Variants in SPINK1 observed in about 807,000 individuals in gnomAD.
The protein encoded by SPINK1 is serine protease inhibitor Kazal-type 1.
SPINK1 carries 5 observed loss-of-function variants against 9.5 expected under a neutral mutation model. The ratio of observed to expected loss-of-function variants is 0.52; its 90% CI spans 0.27 to 1.10. The LOEUF (loss-of-function observed/expected upper bound fraction) is 1.10. SPINK1 is among the 50% of genes least tolerant of loss of function. The probability of loss-of-function intolerance (pLI) is 0.11; values close to 1 mark genes in which losing one functional copy is unlikely to be tolerated. For missense variants in SPINK1, 88 were observed against 92.7 expected, an observed-to-expected ratio of 0.95 and a Z score of 0.21; for synonymous variants, 37 against 32.3, an observed-to-expected ratio of 1.14 and a Z score of -0.49.
At chr5:147,835,412 T>C (rs1756580049), upstream of SPINK1, among the ~76,000 whole-genome samples, 1 of 152,022 alleles carries the variant, frequency 6.6e-6, no homozygotes. Flanking sequence ...ACAGAATAAA[T>C]ATTGTTTGCC....
rs900067581 is a variant in SPINK1, at chr5:147,830,336, G to T, written c.56-706C>A. On this transcript the variant is annotated intron_variant, in intron 1 of 3. Transcript: ENST00000296695. Reference sequence around the variant, plus strand: ...GCAGAGGTTTTGCTGACAACATATAGGAAATGATAACTGTGGATAAGTTCA... The same window carrying T: ...GCAGAGGTTTTGCTGACAACATATATGAAATGATAACTGTGGATAAGTTCA... Among the ~76,000 whole-genome samples the T allele has an allele frequency of 1.1e-4, 16 of 152,172 alleles. No homozygotes were observed. The East Asian group carries it at 3.1e-3, about 29-fold the overall frequency.
chr5:147,838,988 G>A, the SPINK1 span, among the ~76,000 whole-genome samples: 3 of 152,060 alleles, frequency 2.0e-5, no homozygotes, highest in South Asian at 2.1e-4. Flanking sequence ...TCCCTCACCA[G>A]CCTCCTATTT....
chr5:147,826,529 T>C (rs1243762776), intron 3 of SPINK1, among the ~76,000 whole-genome samples: 2 of 152,190 alleles, frequency 1.3e-5, no homozygotes, highest in East Asian at 1.9e-4. Context: ...ATTTTTCTAA[T>C]GTTTCACTGT....
intron 3 of SPINK1, among the ~76,000 whole-genome samples, chr5:147,825,435 C>CTTTTTTTCT (rs200530156): frequency 2.8e-5 from 3 of 107,426 alleles, no homozygotes; most frequent in Admixed American, 1.7e-4. Flanking sequence ...TTTTTCTTTT[C>CTTTTTTTCT]TTTTTTTCTT....
At chr5:147,837,684 T>TCTTTCTTTCTTC in the SPINK1 span, among the ~76,000 whole-genome samples, 1 of 147,292 alleles carries the variant, frequency 6.8e-6, no homozygotes, top group Non-Finnish European at 1.5e-5. Flanking sequence ...TTTCTTTCTT[T>TCTTTCTTTCTTC]CTTTCTTTCT....
chr5:147,829,134 C>CA (rs907328358), intron 2 of SPINK1, among the ~76,000 whole-genome samples: 35 of 152,098 alleles, frequency 2.3e-4, no homozygotes, highest in Middle Eastern at 3.4e-3. Flanking sequence ...ACCTCTTAAA[C>CA]AAAAAAATAT....
At chr5:147,837,810 T>A in the SPINK1 span, among the ~76,000 whole-genome samples, 1 of 151,910 alleles carries the variant, frequency 6.6e-6, no homozygotes, top group Admixed American at 6.6e-5. Flanking sequence ...CAAGTGATTC[T>A]CCTGCCTCAG....
At chr5:147,837,564 T>C in the SPINK1 span, among the ~76,000 whole-genome samples, 1 of 152,324 alleles carries the variant, frequency 6.6e-6, no homozygotes, top group South Asian at 2.1e-4. Flanking sequence ...TACGTGCCCT[T>C]TCTCTTTCCT....
upstream of SPINK1, among the ~76,000 whole-genome samples, chr5:147,835,134 A>G (rs999354948): frequency 2.0e-5 from 3 of 152,162 alleles, no homozygotes; most frequent in South Asian, 4.1e-4. Context: ...AAAAAAACCC[A>G]TGGAGAAAGG....
upstream of SPINK1, among the ~76,000 whole-genome samples, chr5:147,833,966 T>C (rs114506028): frequency 5.4e-3 from 822 of 152,308 alleles, 8 homozygotes; most frequent in African/African-American, 0.017. Flanking sequence ...AAACAGCTTT[T>C]CACCTTCTAA....
At chr5:147,828,414 T>C (rs1756450136) in intron 2 of SPINK1, among the ~76,000 whole-genome samples, 2 of 152,166 alleles carry the variant, frequency 1.3e-5, no homozygotes, top group African/African-American at 4.8e-5. Flanking sequence ...ACCTATCTCA[T>C]AGTGTTGTTG....
At chr5:147,829,506 T>C in intron 2 of SPINK1, 93 bp downstream of exon 2, 1 of 1,254,884 alleles carries the variant, frequency 8.0e-7, no homozygotes, top group Non-Finnish European at 1.2e-6. Flanking sequence ...CCTCTTAACT[T>C]CAGGCTAAAC....
intron 3 of SPINK1, among the ~76,000 whole-genome samples, chr5:147,825,642 A>G (rs1032935185): frequency 6.6e-6 from 1 of 151,954 alleles, no homozygotes; most frequent in Non-Finnish European, 1.5e-5. Context: ...GGGTTTTACC[A>G]TGTTGGCCAG....
At chr5:147,834,914 T>C (rs1580945950), upstream of SPINK1, among the ~76,000 whole-genome samples, 1 of 152,156 alleles carries the variant, frequency 6.6e-6, no homozygotes, top group East Asian at 1.9e-4. Context: ...ATGTGAGGAC[T>C]CTTGATAGAT....
upstream of SPINK1, among the ~76,000 whole-genome samples, chr5:147,833,645 A>T (rs572115040): frequency 6.6e-6 from 1 of 152,206 alleles, no homozygotes; most frequent in Non-Finnish European, 1.5e-5. Flanking sequence ...TATCTAAGAC[A>T]ATGCCATCCT....
chr5:147,836,856 T>A, the SPINK1 span, among the ~76,000 whole-genome samples: 2 of 152,188 alleles, frequency 1.3e-5, no homozygotes, highest in Non-Finnish European at 2.9e-5. Context: ...CAGAAACAGA[T>A]GACACCTTGG....
At chr5:147,829,874 G>A (rs947889675) in intron 1 of SPINK1, among the ~76,000 whole-genome samples, 4 of 152,154 alleles carry the variant, frequency 2.6e-5, no homozygotes, top group East Asian at 1.9e-4. Flanking sequence ...TCGATTTGAT[G>A]TTTTAGGAAG....
chr5:147,828,040 A>G lies in SPINK1; in HGVS notation c.176T>C (p.Val59Ala). Residue 59 changes from valine (V) to alanine (A), a missense_variant, in exon 3 of 4, where the codon GTG becomes GCG. Coordinates refer to ENST00000296695, the MANE Select transcript of SPINK1 (RefSeq NM_001379610.1). ...TACTCACCGATTTTCAAAACATAAC[A>G]CGCATTCATTGGGATAAGTATTTCC... The part of the protein sequence containing the change: ...TDGNTYPNEC[V>A]LCFENRKRQT... 1 of 1,613,168 alleles carries G rather than the reference A, an allele frequency of 6.2e-7. No individual in the cohort carries two copies. Among genetic ancestry groups the G allele is most frequent in the Non-Finnish European group, 8.5e-7 (1 of 1,179,626 alleles).
At position 147,831,594 on chromosome 5, in the gene SPINK1, C is replaced by T. The variant is rs369531839; in HGVS notation, c.-17G>A. The T allele has an allele frequency of 7.4e-6, 12 of 1,613,056 alleles. No homozygotes were observed. The highest frequency in any genetic ancestry group is 1.0e-5 in the Non-Finnish European group (12 of 1,179,682). On this transcript the variant is annotated 5_prime_UTR_variant, in exon 1 of 4. Transcript: ENST00000296695. Reference sequence around the variant, plus strand: ...TACCTTCATGGCTGAAGTTCTGCGTCCAGAGGTCAGTTGAAAACTGCACCG... The same window carrying T: ...TACCTTCATGGCTGAAGTTCTGCGTTCAGAGGTCAGTTGAAAACTGCACCG...
Sources: allele counts gnomAD v4.1 joint callset (sites outside exome capture counted in the v4.1 genomes callset), GRCh38; gene constraint gnomAD v4.1.1; transcripts MANE v1.5; gene names NCBI Gene and HGNC (gene_info 2026-07-23, HGNC 2026-07-21).